The following CAD variants were observed in gnomAD, a reference collection of about 807,000 sequenced individuals.
The protein encoded by CAD is multifunctional protein CAD.
CAD carries 81 observed loss-of-function variants against 237.2 expected under a neutral mutation model. The ratio of observed to expected loss-of-function variants is 0.34; its 90% CI spans 0.29 to 0.41. The LOEUF (loss-of-function observed/expected upper bound fraction) is 0.41, where lower values mean the gene tolerates loss of function less well. Among genes scored for constraint, CAD ranks in the 10% least tolerant of loss-of-function variants. The probability of loss-of-function intolerance (pLI) is 1.00; values close to 1 mark genes in which losing one functional copy is unlikely to be tolerated. For missense variants in CAD, 2,181 were observed against 2,951.7 expected (o/e 0.74, Z 6.05); for synonymous variants, 1,196 against 1,162.8 (o/e 1.03, Z -0.58).
chr2:27,242,499 C>G lies in CAD; in HGVS notation c.6222+72C>G. 6.3e-7 allele frequency: 1 copy of G among 1,576,564 alleles called. No individual in the cohort carries two copies. Among genetic ancestry groups the G allele is most frequent in the Non-Finnish European group, 8.6e-7 (1 of 1,156,818 alleles). ...AGAGGGAGGCAGGAAGTGGTTACCC[C>G]GGTACAGGACAGCTGCATCAAGGAG... On this transcript the variant is annotated intron_variant, in intron 40 of 43. Coordinates refer to ENST00000264705, the MANE Select transcript of CAD (RefSeq NM_004341.5). This position sits in a 1 kb window ranked among gnomAD's most constrained non-coding sequence, Gnocchi z 6.4.
In CAD at chr2:27,233,774, C is replaced by T; in HGVS notation, c.3365C>T (p.Pro1122Leu). 1 of 1,614,070 alleles carries T rather than the reference C, an allele frequency of 6.2e-7. No individual in the cohort carries two copies. Among genetic ancestry groups the T allele is most frequent in the Non-Finnish European group, 8.5e-7 (1 of 1,180,034 alleles). The change falls in exon 21 of 44, where the codon CCC becomes CTC. Residue 1122 changes from proline (P) to leucine (L), a missense_variant. Around this residue, in one of 12 missense-constraint regions of CAD, gnomAD observed 306 missense variants for 607.9 expected, o/e 0.50. Transcript: ENST00000264705. This position sits in a 1 kb window ranked among gnomAD's most constrained non-coding sequence, Gnocchi z 6.3. ...GCAGCAGCCGTCTCCAAAGAGCATC[C>T]CGTGGTCATCTCCAAGTTCATCCAG... is the stretch of plus-strand genomic sequence containing the variant. Reference protein sequence around the residue: ...SSAAAVSKEHPVVISKFIQEA... With the variant: ...SSAAAVSKEHLVVISKFIQEA...
intron 16 of CAD, 27 bp from the exon 17 acceptor site, chr2:27,231,953 T>C: frequency 6.2e-7 from 1 of 1,613,386 alleles, no homozygotes; most frequent in Non-Finnish European, 8.5e-7. Context: ...GGCAGTAGCT[T>C]CCGTCTGTCT....
intron 8 of CAD, 83 bp downstream of exon 8, chr2:27,224,112 A>G (rs1160308585): frequency 1.9e-6 from 2 of 1,066,174 alleles, no homozygotes; most frequent in Admixed American, 1.8e-5. Context: ...TGCCCTGGGC[A>G]ACTCCTAGAT....
At position 27,236,275 on chromosome 2, in the gene CAD, G is replaced by T. The variant is rs778921126; in HGVS notation, c.4075-9G>T. On this transcript the variant is annotated splice_polypyrimidine_tract_variant and intron_variant, in intron 25 of 43. Coordinates refer to ENST00000264705, the MANE Select transcript of CAD (RefSeq NM_004341.5). This position sits in a 1 kb window ranked among gnomAD's most constrained non-coding sequence, Gnocchi z 4.1. ...CAGCTTGGCCCTGACCTTGACTCCG[G>T]GTTGGCAGGTAACAGCTGTGGACTG... The T allele has an allele frequency of 3.7e-6, 6 of 1,611,972 alleles. No homozygotes were observed. Among genetic ancestry groups the T allele is most frequent in the Non-Finnish European group, 1.7e-6 (2 of 1,178,560 alleles).
rs1413661914 is a variant in CAD, at chr2:27,233,971, G to A, written c.3400-37G>A. The A allele has an allele frequency of 1.3e-5, 20 of 1,589,794 alleles. No homozygotes were observed. The highest frequency in any genetic ancestry group is 1.7e-5 in the Non-Finnish European group (20 of 1,161,326). ...ATCCTAGAGTAAGTGAGAGAAGAAA[G>A]TGGCCCTATGTCCCACTGTCTGTGT... On this transcript the variant is annotated intron_variant, in intron 21 of 43. Coordinates refer to ENST00000264705, the MANE Select transcript of CAD (RefSeq NM_004341.5). This position sits in a 1 kb window ranked among gnomAD's most constrained non-coding sequence, Gnocchi z 6.3.
In CAD at chr2:27,237,178, C is replaced by G. The variant is rs1676055857; in HGVS notation, c.4397-201C>G. 6.6e-6 allele frequency among the ~76,000 whole-genome samples: 1 copy of G among 152,006 alleles called. No homozygotes were observed. The highest frequency in any genetic ancestry group is 2.4e-5 in the African/African-American group (1 of 41,360). Reference sequence around the variant, plus strand: ...AGCTGGGATTACAGGTGTGTGCTACCACACCAGGCTAATTTTTGTGTTTTT... The same window carrying G: ...AGCTGGGATTACAGGTGTGTGCTACGACACCAGGCTAATTTTTGTGTTTTT... On this transcript the variant is annotated intron_variant, in intron 27 of 43. Transcript: ENST00000264705. The surrounding 1 kb of genome is among the most constrained non-coding windows in gnomAD (Gnocchi z 4.0).
Position 27,243,182 on chromosome 2 carries a change from C to G in CAD, c.6481-16C>G, listed in dbSNP as rs1293942042. The G allele has an allele frequency of 8.7e-6, 14 of 1,612,970 alleles. No homozygotes were observed. The Admixed American group carries it at 1.0e-4, about 12-fold the overall frequency. Reference sequence around the variant, plus strand: ...CCTACCCCAAGGCACTAATGGGGACCCCATCTGCTTTGCAGTGCTTTGGTC... The same window carrying G: ...CCTACCCCAAGGCACTAATGGGGACGCCATCTGCTTTGCAGTGCTTTGGTC... On this transcript the variant is annotated splice_polypyrimidine_tract_variant and intron_variant, in intron 42 of 43. Transcript: ENST00000264705.
chr2:27,237,933 G>A lies in CAD; in HGVS notation c.4728+51G>A, dbSNP rs369275543. 8.8e-5 allele frequency: 138 copies of A among 1,576,384 alleles called. No homozygotes were observed. The East Asian group carries it at 1.1e-3, about 13-fold the overall frequency. ...GCCACCACCCAGTGTCTCCTGGCTTGTGGGCCCCTGCCTAAGTGGGCTGGT... is the reference window on the plus strand; with the variant it reads ...GCCACCACCCAGTGTCTCCTGGCTTATGGGCCCCTGCCTAAGTGGGCTGGT... On this transcript the variant is annotated intron_variant, in intron 29 of 43. Coordinates refer to ENST00000264705, the MANE Select transcript of CAD (RefSeq NM_004341.5). The surrounding 1 kb of genome is among the most constrained non-coding windows in gnomAD (Gnocchi z 4.0).
intron 3 of CAD, among the ~76,000 whole-genome samples, chr2:27,221,780 T>A (rs73921476): frequency 1.2e-3 from 146 of 118,822 alleles, no homozygotes; most frequent in African/African-American, 3.1e-3. Flanking sequence ...TTTTTTTTTT[T>A]CTGTTCATTT....
chr2:27,217,506 C>T lies in CAD; in HGVS notation c.-46C>T. 1 of 1,503,574 alleles carries T rather than the reference C, an allele frequency of 6.7e-7. No individual in the cohort carries two copies. Among genetic ancestry groups the T allele is most frequent in the Admixed American group, 1.8e-5 (1 of 54,560 alleles). The allele number at this position is 1,503,574 out of a possible 1,614,324, so 93.1% of individuals were successfully genotyped here. ...ACGTGGTTCCAGTGGAGTTTGCAGT[C>T]CTTCCCGCTTCTCCGTACTCGCCCC... On this transcript the variant is annotated 5_prime_UTR_variant, in exon 1 of 44. Coordinates refer to ENST00000264705, the MANE Select transcript of CAD (RefSeq NM_004341.5).
rs759215868 is a variant in CAD at position 27,241,445 on chromosome 2, GC to G, written c.5883+51del. 6.3e-7 allele frequency: 1 copy of G among 1,585,664 alleles called. No individual in the cohort carries two copies. The highest frequency in any genetic ancestry group is 1.1e-5 in the South Asian group (1 of 90,466). On this transcript the variant is annotated intron_variant, in intron 38 of 43. Coordinates refer to ENST00000264705, the MANE Select transcript of CAD (RefSeq NM_004341.5). This position sits in a 1 kb window ranked among gnomAD's most constrained non-coding sequence, Gnocchi z 4.6. ...GGTCCAGGCCATCGCCTGCCCTTGG[GC>G]CGCATCAGCGCAGGGCCGCGCAGTG...
At chr2:27,220,684 G>A (rs1675114894) in intron 2 of CAD, among the ~76,000 whole-genome samples, 1 of 151,224 alleles carries the variant, frequency 6.6e-6, no homozygotes, top group Non-Finnish European at 1.5e-5. Flanking sequence ...ATGGCTAGGT[G>A]CGATGGCTCA....
chr2:27,233,208 A>G lies in CAD; in HGVS notation c.2991+68A>G. ...TCGAGTAGAACAGCTGGCTGACCTA[A>G]GATTCTTTGAAACTTGGTGGCGGCT... On this transcript the variant is annotated intron_variant, in intron 19 of 43. Coordinates refer to ENST00000264705, the MANE Select transcript of CAD (RefSeq NM_004341.5). The surrounding 1 kb of genome is among the most constrained non-coding windows in gnomAD (Gnocchi z 6.3). The G allele has an allele frequency of 6.6e-7, 1 of 1,513,852 alleles. No individual in the cohort carries two copies. The highest frequency in any genetic ancestry group is 9.2e-7 in the Non-Finnish European group (1 of 1,089,894). 93.8% of individuals were successfully genotyped at this position (1,513,852 alleles called of 1,614,324 possible).
rs147034758 is a variant in CAD at position 27,239,746 on chromosome 2, G to T, written c.5444G>T (p.Gly1815Val). 4.2e-5 allele frequency: 67 copies of T among 1,592,106 alleles called. No individual in the cohort carries two copies. The highest frequency in any genetic ancestry group is 5.6e-5 in the Non-Finnish European group (65 of 1,168,806). The change falls in exon 34 of 44, where the codon GGG (glycine) becomes GTG (valine). Residue 1815 changes from glycine (G) to valine (V), a missense_variant. Gly to Val is a moderately radical substitution (Grantham distance 109). Around this residue, in one of 12 missense-constraint regions of CAD, gnomAD observed 478 missense variants for 515.0 expected, o/e 0.93. Transcript: ENST00000264705. This position sits in a 1 kb window ranked among gnomAD's most constrained non-coding sequence, Gnocchi z 4.0. ...YGQDVRKWPQ[G>V]AVPQLPPSAP... The stretch of plus-strand genomic sequence containing the variant: ...CAGGATGTACGGAAGTGGCCACAGG[G>T]GGCTGTTCCTCAGCTCCCACCCTCA...
chr2:27,243,199 G>A lies in CAD; in HGVS notation c.6482G>A (p.Cys2161Tyr), dbSNP rs754300835. The change falls in exon 43 of 44, where the codon TGC (cysteine) becomes TAC (tyrosine). Residue 2161 changes from cysteine (C) to tyrosine (Y), a missense_variant and splice_region_variant. Cys to Tyr is a radical substitution (Grantham distance 194). Around this residue, in one of 12 missense-constraint regions of CAD, gnomAD observed 170 missense variants for 212.1 expected, o/e 0.80. Transcript: ENST00000264705. ...ATGGGGACCCCATCTGCTTTGCAGT[G>A]CTTTGGTCAGTTCATCCTCACTCCC... Reference protein sequence around the residue: ...RFGSTQEYEACFGQFILTPHI... With the variant: ...RFGSTQEYEAYFGQFILTPHI... 2 of 1,614,016 alleles carry A rather than the reference G, an allele frequency of 1.2e-6. No individual in the cohort carries two copies. The highest frequency in any genetic ancestry group is 1.1e-5 in the South Asian group (1 of 91,070).
chr2:27,223,952 C>T lies in CAD; in HGVS notation c.1031C>T (p.Ser344Leu). 6.2e-7 allele frequency: 1 copy of T among 1,614,012 alleles called. No individual in the cohort carries two copies. Among genetic ancestry groups the T allele is most frequent in the East Asian group, 2.2e-5 (1 of 44,878 alleles). Reference sequence around the variant, plus strand: ...CACCCAGAGCACCAAGCTGGCCCTTCAGATATGGAACTGCTTTTCGATATC... The same window carrying T: ...CACCCAGAGCACCAAGCTGGCCCTTTAGATATGGAACTGCTTTTCGATATC... ...QFHPEHQAGP[S>L]DMELLFDIFL... The change falls in exon 8 of 44, where the codon TCA becomes TTA. Residue 344 changes from serine to leucine, a missense_variant. By Grantham distance (145) the Ser-to-Leu change is moderately radical. Coordinates refer to ENST00000264705, the MANE Select transcript of CAD (RefSeq NM_004341.5).
chr2:27,235,171 T>C lies in CAD; in HGVS notation c.3787-74T>C. On this transcript the variant is annotated intron_variant, in intron 23 of 43. Transcript: ENST00000264705. The surrounding 1 kb of genome is among the most constrained non-coding windows in gnomAD (Gnocchi z 5.2). ...TCAGATGGGATCAAGCACAGGGTAC[T>C]GTGTCCGTCTCTGCTGGTGAGGGAG... The C allele has an allele frequency of 7.4e-7, 1 of 1,355,440 alleles. No individual in the cohort carries two copies. 84.0% of individuals were successfully genotyped at this position (1,355,440 alleles called of 1,614,324 possible). A position where few individuals can be genotyped will look rare whatever the true frequency, so the allele number is the denominator to read the frequency against.
rs779490547 is a variant in CAD at position 27,232,863 on chromosome 2, A to G, written c.2892+169A>G. ...CTCTCATGCCCCACACGGTATATGA[A>G]TCTCTTCCCCAACACTTTGTACCTC... On this transcript the variant is annotated intron_variant, in intron 18 of 43. Transcript: ENST00000264705. This position sits in a 1 kb window ranked among gnomAD's most constrained non-coding sequence, Gnocchi z 4.1. 2.8e-4 allele frequency among the ~76,000 whole-genome samples: 43 copies of G among 152,154 alleles called. No homozygotes were observed. Among genetic ancestry groups the G allele is most frequent in the Non-Finnish European group, 3.4e-4 (23 of 68,038 alleles).
In CAD at chr2:27,233,916, G is replaced by T. The variant is rs2148079043; in HGVS notation, c.3400-92G>T. 6.5e-7 allele frequency: 1 copy of T among 1,535,976 alleles called. No homozygotes were observed. Among genetic ancestry groups the T allele is most frequent in the African/African-American group, 1.4e-5 (1 of 73,320 alleles). On this transcript the variant is annotated intron_variant, in intron 21 of 43. Transcript: ENST00000264705. The surrounding 1 kb of genome is among the most constrained non-coding windows in gnomAD (Gnocchi z 6.3). ...TAGGCACCAGGGCTGGGAACAGTGG[G>T]CTATGTGGGGCTCGTTAAAGGAAGA...
Sources: allele counts gnomAD v4.1 joint callset (sites outside exome capture counted in the v4.1 genomes callset), GRCh38; gene constraint gnomAD v4.1.1; regional missense constraint gnomAD v4.1.1; non-coding constraint Gnocchi (gnomAD v3.1); transcripts MANE v1.5; gene names NCBI Gene and HGNC (gene_info 2026-07-23, HGNC 2026-07-21).